CNTN3: variants seen among roughly 807,000 people sequenced by gnomAD.
CNTN3 encodes the protein contactin-3.
Under a neutral mutation model 119.1 loss-of-function variants are expected in CNTN3, and 60 were observed. The ratio of observed to expected loss-of-function variants is 0.50; its 90% confidence interval spans 0.41 to 0.62. The LOEUF is 0.62. CNTN3 is among the 20% of genes least tolerant of loss of function. CNTN3 has a pLI of 0.00. For synonymous variants in CNTN3, 450 were observed against 438.7 expected, an observed-to-expected ratio of 1.03 and a Z score of -0.32; for missense variants, 1,101 against 1,242.4, an observed-to-expected ratio of 0.89 and a Z score of 1.71.
intron 13 of CNTN3, among the ~76,000 whole-genome samples, chr3:74,308,050 T>C (rs1466193984): frequency 1.3e-5 from 2 of 152,134 alleles, no homozygotes; most frequent in Non-Finnish European, 2.9e-5. Context: ...TTGAAAACAG[T>C]CGAACCTGTA....
intron 5 of CNTN3, among the ~76,000 whole-genome samples, chr3:74,407,521 C>A (rs901690306): frequency 2.6e-5 from 4 of 151,354 alleles, no homozygotes; most frequent in African/African-American, 9.7e-5. Flanking sequence ...GATCTGCCCA[C>A]CTCGGCCTCT....
chr3:74,424,958 C>A lies in CNTN3; in HGVS notation c.359-18G>T. 1 of 1,528,960 alleles carries A rather than the reference C, an allele frequency of 6.5e-7. No individual in the cohort carries two copies. The highest frequency in any genetic ancestry group is 1.2e-5 in the South Asian group (1 of 82,184). The allele number at this position is 1,528,960 out of a possible 1,614,324, so 94.7% of individuals were successfully genotyped here. A position where few individuals can be genotyped will look rare whatever the true frequency, so the allele number is the denominator to read the frequency against. ...TTCAAGATCTGATTTGAAAACAAAA[C>A]AAAACTGAATTTTAGAAAGACCAAT... On this transcript the variant is annotated intron_variant, in intron 4 of 22. Coordinates refer to ENST00000263665, the MANE Select transcript of CNTN3 (RefSeq NM_020872.3).
intron 20 of CNTN3, among the ~76,000 whole-genome samples, chr3:74,283,246 C>T (rs1575696109): frequency 6.6e-6 from 1 of 152,116 alleles, no homozygotes; most frequent in East Asian, 1.9e-4. Flanking sequence ...ATATAACCTC[C>T]ATATGCCTCA....
At chr3:74,323,847 A>G (rs1703059744) in intron 13 of CNTN3, among the ~76,000 whole-genome samples, 1 of 152,172 alleles carries the variant, frequency 6.6e-6, no homozygotes, top group Non-Finnish European at 1.5e-5. Flanking sequence ...TCTTTCCACC[A>G]GTCAACATCA....
chr3:74,312,730 T>G (rs965990646), intron 13 of CNTN3, among the ~76,000 whole-genome samples: 11 of 152,102 alleles, frequency 7.2e-5, no homozygotes, highest in Admixed American at 2.6e-4. Context: ...AGAGGCTTAT[T>G]TGTGGCAGTC....
chr3:74,573,912 A>C (rs555856964), intron 1 of CNTN3, among the ~76,000 whole-genome samples: 1 of 152,316 alleles, frequency 6.6e-6, no homozygotes, highest in South Asian at 2.1e-4. Context: ...AGTTAAACCT[A>C]GAGTTACTAT....
At chr3:74,439,832 C>T (rs543201993) in intron 4 of CNTN3, among the ~76,000 whole-genome samples, 1 of 152,168 alleles carries the variant, frequency 6.6e-6, no homozygotes, top group African/African-American at 2.4e-5. Context: ...CAATCATTCA[C>T]CCATTTATTC....
At chr3:74,381,054 T>G (rs1037493065) in intron 5 of CNTN3, among the ~76,000 whole-genome samples, 1 of 146,884 alleles carries the variant, frequency 6.8e-6, no homozygotes, top group African/African-American at 2.5e-5. Context: ...GGAGAAATTG[T>G]TTTTTTTTTT....
chr3:74,584,319 T>C (rs1704559697), intron 1 of CNTN3, among the ~76,000 whole-genome samples: 1 of 152,190 alleles, frequency 6.6e-6, no homozygotes, highest in Non-Finnish European at 1.5e-5. Context: ...ATTATAATCT[T>C]GTGATATACT....
chr3:74,570,869 G>C (rs1704322137), intron 1 of CNTN3, among the ~76,000 whole-genome samples: 1 of 152,184 alleles, frequency 6.6e-6, no homozygotes, highest in Non-Finnish European at 1.5e-5. Flanking sequence ...CGAGGAATTT[G>C]ACTGTAGAAT....
chr3:74,395,314 T>C (rs1705019461), intron 5 of CNTN3, among the ~76,000 whole-genome samples: 1 of 152,036 alleles, frequency 6.6e-6, no homozygotes, highest in Non-Finnish European at 1.5e-5. Context: ...CTGACTTGAT[T>C]CAGGTAATCT....
chr3:74,314,457 C>A (rs975534669), intron 13 of CNTN3, among the ~76,000 whole-genome samples: 3 of 152,000 alleles, frequency 2.0e-5, no homozygotes, highest in African/African-American at 7.2e-5. Context: ...AAAGGGATAG[C>A]GAAATATATA....
intron 5 of CNTN3, among the ~76,000 whole-genome samples, chr3:74,399,016 A>T (rs6765655): frequency 0.39 from 59,733 of 152,020 alleles, 12,526 homozygotes; most frequent in East Asian, 0.64. Flanking sequence ...TTTCTTTCAA[A>T]ATCCTCCTTC....
At chr3:74,507,067 A>G (rs919075010) in intron 2 of CNTN3, among the ~76,000 whole-genome samples, 1 of 152,152 alleles carries the variant, frequency 6.6e-6, no homozygotes, top group Non-Finnish European at 1.5e-5. Context: ...TCTATGAGCA[A>G]ATAATTATCC....
At chr3:74,365,833 C>T in intron 8 of CNTN3, 131 bp from the exon 9 acceptor site, 1 of 1,014,146 alleles carries the variant, frequency 9.9e-7, no homozygotes, top group Non-Finnish European at 1.4e-6. Context: ...GAAGTGAGAA[C>T]AGAGGCTAGA....
intron 20 of CNTN3, among the ~76,000 whole-genome samples, chr3:74,273,674 G>A (rs1701825656): frequency 6.6e-6 from 1 of 152,164 alleles, no homozygotes; most frequent in African/African-American, 2.4e-5. Context: ...AGTTCGCTGG[G>A]TCCCCAAGCA....
chr3:74,385,444 G>T (rs1403832634), intron 5 of CNTN3, among the ~76,000 whole-genome samples: 1 of 444 alleles, frequency 2.3e-3, no homozygotes, highest in Non-Finnish European at 0.026. Context: ...GGACACAAAA[G>T]TGTTTTGACT....
intron 4 of CNTN3, among the ~76,000 whole-genome samples, chr3:74,444,518 A>G (rs534219279): frequency 1.3e-5 from 2 of 151,956 alleles, no homozygotes; most frequent in Admixed American, 1.3e-4. Flanking sequence ...CTGACAATAG[A>G]CCTTCCTTGT....
Position 74,374,190 on chromosome 3 carries a change from C to T in CNTN3, c.455-2791G>A, listed in dbSNP as rs1469045371. On this transcript the variant is annotated intron_variant, in intron 5 of 22. Coordinates refer to ENST00000263665, the MANE Select transcript of CNTN3 (RefSeq NM_020872.3). ...GCTGCAGTCTGACATTCTTCCTAAG[C>T]AAGTTTTCCTCCCCACTCTTTGTTC... Among the ~76,000 whole-genome samples the T allele has an allele frequency of 4.6e-5, 7 of 152,216 alleles. No homozygotes were observed. The East Asian group carries it at 9.7e-4, about 21-fold the overall frequency.
Sources: allele counts gnomAD v4.1 joint callset (sites outside exome capture counted in the v4.1 genomes callset), GRCh38; gene constraint gnomAD v4.1.1; transcripts MANE v1.5; gene names NCBI Gene and HGNC (gene_info 2026-07-23, HGNC 2026-07-21).